The following MYOCD variants were observed in gnomAD, a reference collection of about 807,000 sequenced individuals.
MYOCD encodes myocardin.
MYOCD carries 32 observed loss-of-function variants against 96.1 expected under a neutral mutation model. The ratio of observed to expected loss-of-function variants is 0.33; its 90% CI spans 0.25 to 0.45. The LOEUF (loss-of-function observed/expected upper bound fraction) is 0.45, where lower values mean the gene tolerates loss of function less well. MYOCD is among the 20% of genes least tolerant of loss of function. The pLI, the probability that MYOCD is intolerant of heterozygous loss-of-function variation, is 1.00. For missense variants in MYOCD, 1,133 were observed against 1,200.6 expected (o/e 0.94, Z 0.83); for synonymous variants, 469 against 469.0 (o/e 1.00, Z 0.00).
At chr17:12,750,150 C>T (rs546377424) in intron 9 of MYOCD, among the ~76,000 whole-genome samples, 9 of 152,046 alleles carry the variant, frequency 5.9e-5, no homozygotes, top group African/African-American at 2.2e-4. Context: ...GTTTTTGATA[C>T]ATATTAAAAT....
rs376466927 is a variant in MYOCD at position 12,723,077 on chromosome 17, A to G, written c.415+69A>G. ...TCTGAGGGCAGCCCGGAGCTCTGAC[A>G]TACTAGGATCTTTGGGGATGAGGGC... On this transcript the variant is annotated intron_variant, in intron 5 of 13. Coordinates refer to ENST00000425538, the MANE Select transcript of MYOCD (RefSeq NM_001146312.3). The G allele has an allele frequency of 1.9e-4, 281 of 1,477,386 alleles. No homozygotes were observed. The South Asian group carries it at 3.2e-3, about 17-fold the overall frequency. 91.5% of individuals were successfully genotyped at this position (1,477,386 alleles called of 1,614,324 possible). A position where few individuals can be genotyped will look rare whatever the true frequency, so the allele number is the denominator to read the frequency against.
At chr17:12,735,108 C>T (rs1016138327) in intron 5 of MYOCD, among the ~76,000 whole-genome samples, 2 of 152,210 alleles carry the variant, frequency 1.3e-5, no homozygotes, top group Non-Finnish European at 2.9e-5. Context: ...TCCAGCTCCT[C>T]GTTGCCTTTG....
intron 1 of MYOCD, among the ~76,000 whole-genome samples, chr17:12,685,506 T>C (rs765477417): frequency 2.6e-5 from 4 of 151,042 alleles, no homozygotes; most frequent in Non-Finnish European, 5.9e-5. Context: ...CTCGGGAGGC[T>C]GCGGCAGGAG....
intron 1 of MYOCD, among the ~76,000 whole-genome samples, chr17:12,684,843 C>CT (rs2030014772): frequency 7.2e-6 from 1 of 139,196 alleles, no homozygotes; most frequent in African/African-American, 2.7e-5. Context: ...GAGAATTCGT[C>CT]TCAAAAAAAA....
chr17:12,669,161 T>C (rs574966209), intron 1 of MYOCD, among the ~76,000 whole-genome samples: 1 of 152,328 alleles, frequency 6.6e-6, no homozygotes, highest in African/African-American at 2.4e-5. Flanking sequence ...TTATTCAATA[T>C]CTAATCAGTG....
At chr17:12,705,897 C>T (rs2031271692) in intron 2 of MYOCD, 1 of 152,126 alleles carries the variant, frequency 6.6e-6, no homozygotes, top group Non-Finnish European at 1.5e-5. Context: ...TGCAGAAATT[C>T]AGGTGTCTGT....
intron 1 of MYOCD, among the ~76,000 whole-genome samples, chr17:12,667,910 G>A (rs1382271048): frequency 5.3e-5 from 8 of 151,396 alleles, no homozygotes; most frequent in African/African-American, 1.5e-4. Flanking sequence ...AGGTAGCTTC[G>A]GGAAAACATG....
chr17:12,744,141 C>T (rs2032590718), intron 7 of MYOCD, 42 bp from the exon 8 acceptor site: 3 of 1,591,960 alleles, frequency 1.9e-6, no homozygotes, highest in African/African-American at 2.7e-5. Context: ...TCATTCTCAG[C>T]CATCACCTAA....
At chr17:12,715,738 A>G (rs1247271830) in intron 3 of MYOCD, among the ~76,000 whole-genome samples, 164 bp downstream of exon 3, 1 of 152,208 alleles carries the variant, frequency 6.6e-6, no homozygotes, top group Non-Finnish European at 1.5e-5. Flanking sequence ...ACCGGTAACT[A>G]TAGAAATAGG....
rs74426703 is a variant in MYOCD, at chr17:12,696,321, G to A, written c.56-8807G>A. 3.4e-4 allele frequency among the ~76,000 whole-genome samples: 52 copies of A among 152,142 alleles called. 1 individual carries two copies. The East Asian group carries it at 9.9e-3, about 29-fold the overall frequency. On this transcript the variant is annotated intron_variant, in intron 1 of 13. Coordinates refer to ENST00000425538, the MANE Select transcript of MYOCD (RefSeq NM_001146312.3). Reference sequence around the variant, plus strand: ...ACATTGTGTTTATCCTTTGTCCATCGATGGACACTGGTGTCACTTCCCCCT... The same window carrying A: ...ACATTGTGTTTATCCTTTGTCCATCAATGGACACTGGTGTCACTTCCCCCT...
At chr17:12,672,744 C>T (rs1477298159) in intron 1 of MYOCD, among the ~76,000 whole-genome samples, 1 of 152,174 alleles carries the variant, frequency 6.6e-6, no homozygotes, top group Non-Finnish European at 1.5e-5. Context: ...TACTTTAGAT[C>T]ACTAGAGAAG....
At chr17:12,760,781 C>T in intron 13 of MYOCD, 74 bp downstream of exon 13, 1 of 1,230,944 alleles carries the variant, frequency 8.1e-7, no homozygotes, top group Non-Finnish European at 1.2e-6. Context: ...CTCTCGGTAC[C>T]AAGATCAGAT....
At chr17:12,697,335 G>A (rs1230695139) in intron 1 of MYOCD, among the ~76,000 whole-genome samples, 2 of 92,042 alleles carry the variant, frequency 2.2e-5, no homozygotes, top group Non-Finnish European at 4.0e-5. Flanking sequence ...TGGTATAGGA[G>A]TATATATATA....
chr17:12,717,452 A>T (rs1369153115), intron 4 of MYOCD, 31 bp downstream of exon 4: 2 of 1,547,924 alleles, frequency 1.3e-6, no homozygotes, highest in South Asian at 2.3e-5. Context: ...ACACCAAGAG[A>T]TGCTGCAGAA....
Position 12,763,705 on chromosome 17 carries a change from C to A in MYOCD, c.*61C>A, listed in dbSNP as rs2033256696. 1.4e-6 allele frequency: 2 copies of A among 1,386,490 alleles called. No individual in the cohort carries two copies. The highest frequency in any genetic ancestry group is 1.4e-5 in the South Asian group (1 of 73,378). 85.9% of individuals were successfully genotyped at this position (1,386,490 alleles called of 1,614,324 possible). ...GAGTTCCATGGGGGAAAGCACACAG[C>A]CATACATACTTTACTGTCCAAAAAC... On this transcript the variant is annotated 3_prime_UTR_variant, in exon 14 of 14. Coordinates refer to ENST00000425538, the MANE Select transcript of MYOCD (RefSeq NM_001146312.3).
intron 10 of MYOCD, 83 bp downstream of exon 10, chr17:12,753,429 C>G: frequency 8.0e-7 from 1 of 1,251,706 alleles, no homozygotes; most frequent in East Asian, 2.4e-5. Flanking sequence ...GAGCTAATGT[C>G]AGAATTTTCA....
intron 1 of MYOCD, among the ~76,000 whole-genome samples, chr17:12,678,454 G>A (rs1176599981): frequency 6.6e-6 from 1 of 152,042 alleles, no homozygotes; most frequent in Non-Finnish European, 1.5e-5. Flanking sequence ...TACATGCTAT[G>A]AGGACCAGCA....
intron 1 of MYOCD, among the ~76,000 whole-genome samples, chr17:12,696,296 A>C (rs2030749989): frequency 6.6e-6 from 1 of 151,874 alleles, no homozygotes; most frequent in African/African-American, 2.4e-5. Flanking sequence ...TAAATATATC[A>C]CATTGTGTTT....
intron 13 of MYOCD, 194 bp from the exon 14 acceptor site, chr17:12,762,878 CA>C (rs2150730665): frequency 3.5e-6 from 2 of 571,090 alleles, no homozygotes; most frequent in East Asian, 2.9e-5. Flanking sequence ...GTGGAATTCC[CA>C]AGAGGAAAGG....
Sources: allele counts gnomAD v4.1 joint callset (sites outside exome capture counted in the v4.1 genomes callset), GRCh38; gene constraint gnomAD v4.1.1; transcripts MANE v1.5; gene names NCBI Gene and HGNC (gene_info 2026-07-23, HGNC 2026-07-21).